Variants in PTP4A1 observed in about 807,000 individuals in gnomAD.
PTP4A1 encodes the protein protein tyrosine phosphatase type IVA 1.
A neutral mutation model predicts 20.5 loss-of-function variants in PTP4A1; 9 were observed. The ratio of observed to expected loss-of-function variants is 0.44; its 90% CI spans 0.26 to 0.77. The LOEUF (loss-of-function observed/expected upper bound fraction) is 0.77. PTP4A1 is among the 30% of genes least tolerant of loss of function. PTP4A1 has a pLI of 0.19. For missense variants in PTP4A1, 137 were observed against 218.8 expected (o/e 0.63, Z 2.36); for synonymous variants, 78 against 67.4 (o/e 1.16, Z -0.77).
chr6:63,553,999 C>G (rs915374611), intron 3 of PTP4A1, among the ~76,000 whole-genome samples: 2 of 152,126 alleles, frequency 1.3e-5, no homozygotes, highest in African/African-American at 4.8e-5. Flanking sequence ...CTGAAAATTT[C>G]CAATTACCAG....
chr6:63,540,379 G>C (rs1229555768), intron 2 of PTP4A1, among the ~76,000 whole-genome samples: 1 of 152,096 alleles, frequency 6.6e-6, no homozygotes, highest in Admixed American at 6.6e-5. Context: ...CCAGCACTTT[G>C]GGAGGCTGAG....
intron 3 of PTP4A1, among the ~76,000 whole-genome samples, chr6:63,553,050 C>G (rs2149491221): frequency 6.6e-6 from 1 of 152,158 alleles, no homozygotes; most frequent in East Asian, 1.9e-4. Flanking sequence ...ACAGATGTAC[C>G]AGCACTGTAT....
intron 3 of PTP4A1, among the ~76,000 whole-genome samples, chr6:63,559,130 G>A (rs1007111810): frequency 1.3e-5 from 2 of 152,078 alleles, no homozygotes; most frequent in Admixed American, 6.5e-5. Flanking sequence ...GTCCATTAGC[G>A]GGAAATCAAC....
In PTP4A1 at chr6:63,579,311, T is replaced by C; in HGVS notation, c.384T>C (p.Asp128=). 1 of 1,608,362 alleles carries C rather than the reference T, an allele frequency of 6.2e-7. No individual in the cohort carries two copies. The highest frequency in any genetic ancestry group is 8.5e-7 in the Non-Finnish European group (1 of 1,176,488). The change falls in exon 5 of 6, where the codon GAT becomes GAC. Residue 128 remains aspartate (D), a synonymous_variant. Transcript: ENST00000626021. ...TTGAAGGTGGAATGAAATACGAAGA[T>C]GCAGTACAATTCATAAGACAGTAAG... ...ALIEGGMKYE[D]AVQFIRQKRR...
At chr6:63,574,840 T>G (rs1225705372) in intron 1 of PTP4A1, among the ~76,000 whole-genome samples, 1 of 152,228 alleles carries the variant, frequency 6.6e-6, no homozygotes, top group East Asian at 1.9e-4. Flanking sequence ...GAAATTATTT[T>G]CAGATTACTA....
At chr6:63,530,141 T>C (rs185815465) in intron 2 of PTP4A1, among the ~76,000 whole-genome samples, 1 of 152,154 alleles carries the variant, frequency 6.6e-6, no homozygotes, top group African/African-American at 2.4e-5. Flanking sequence ...CAGAAGGAAG[T>C]CAAATTGGAA....
chr6:63,554,553 T>C (rs1207031823), intron 3 of PTP4A1, among the ~76,000 whole-genome samples: 2 of 152,152 alleles, frequency 1.3e-5, no homozygotes, highest in Non-Finnish European at 2.9e-5. Context: ...ATCCCAGCAC[T>C]TTGGGAGGCC....
At chr6:63,561,340 T>G (rs1244523109) in intron 3 of PTP4A1, among the ~76,000 whole-genome samples, 1 of 152,156 alleles carries the variant, frequency 6.6e-6, no homozygotes, top group Non-Finnish European at 1.5e-5. Flanking sequence ...ACCCAACACA[T>G]AGTAAGCACT....
At chr6:63,531,279 G>A (rs547388777) in intron 2 of PTP4A1, among the ~76,000 whole-genome samples, 12 of 152,094 alleles carry the variant, frequency 7.9e-5, no homozygotes, top group Admixed American at 2.0e-4. Flanking sequence ...TTAATTAGTG[G>A]GGAATAGATG....
chr6:63,574,071 C>T (rs867158874), intron 1 of PTP4A1, among the ~76,000 whole-genome samples: 1 of 152,152 alleles, frequency 6.6e-6, no homozygotes, highest in Non-Finnish European at 1.5e-5. Flanking sequence ...AACTGTTGAC[C>T]TGCCCGACAT....
Position 63,578,542 on chromosome 6 carries a change from C to A in PTP4A1, c.198+13C>A. ...TATCCATGTTCTTGTAAGTATTTAA[C>A]AGTTCTTATGGGTTTATGGTGCTGT... On this transcript the variant is annotated intron_variant, in intron 3 of 5. Coordinates refer to ENST00000626021, the MANE Select transcript of PTP4A1 (RefSeq NM_003463.5). The A allele has an allele frequency of 4.4e-6, 7 of 1,608,560 alleles. No homozygotes were observed. The highest frequency in any genetic ancestry group is 5.9e-6 in the Non-Finnish European group (7 of 1,178,354).
At chr6:63,575,793 G>A (rs1042381491) in intron 1 of PTP4A1, among the ~76,000 whole-genome samples, 9 of 151,730 alleles carry the variant, frequency 5.9e-5, no homozygotes, top group African/African-American at 9.7e-5. Flanking sequence ...CATTTTCCTC[G>A]TCTTCAGTTT....
chr6:63,566,389 A>G (rs1447552277), intron 3 of PTP4A1, among the ~76,000 whole-genome samples: 1 of 152,102 alleles, frequency 6.6e-6, no homozygotes, highest in Non-Finnish European at 1.5e-5. Context: ...AATTCGGCTC[A>G]GGGTCGGGGT....
chr6:63,576,254 A>G (rs1445667243), intron 1 of PTP4A1, among the ~76,000 whole-genome samples, 182 bp from the exon 2 acceptor site: 1 of 151,830 alleles, frequency 6.6e-6, no homozygotes, highest in African/African-American at 2.4e-5. Flanking sequence ...TGCTTGTTTT[A>G]TGCTGATTGA....
At position 63,572,879 on chromosome 6, in the gene PTP4A1, G is replaced by A. The variant is rs369092671; in HGVS notation, c.-446+160G>A. Reference sequence around the variant, plus strand: ...GGAGCGGGCGGGTTATGGCCCTGTGGCCGGCCGATTGCGGCCGGCTGTGCG... The same window carrying A: ...GGAGCGGGCGGGTTATGGCCCTGTGACCGGCCGATTGCGGCCGGCTGTGCG... On this transcript the variant is annotated intron_variant, in intron 1 of 5. Coordinates refer to ENST00000626021, the MANE Select transcript of PTP4A1 (RefSeq NM_003463.5). Among the ~76,000 whole-genome samples, 19 of 152,212 alleles carry A rather than the reference G, an allele frequency of 1.2e-4. 1 individual carries two copies. In the East Asian group the frequency reaches 2.3e-3, roughly 19 times the overall value.
chr6:63,540,633 AAAAAG>A (rs1775922167), intron 2 of PTP4A1, among the ~76,000 whole-genome samples: 1 of 151,952 alleles, frequency 6.6e-6, no homozygotes, highest in African/African-American at 2.4e-5. Context: ...TCACAAATGA[AAAAAG>A]AAAAGAAAAA....
At chr6:63,566,739 A>G (rs1777206847) in intron 3 of PTP4A1, among the ~76,000 whole-genome samples, 1 of 152,070 alleles carries the variant, frequency 6.6e-6, no homozygotes, top group Non-Finnish European at 1.5e-5. Context: ...AAGACAATGG[A>G]GTTTGCTGCA....
intron 2 of PTP4A1, among the ~76,000 whole-genome samples, chr6:63,544,524 T>A (rs895727238): frequency 6.6e-6 from 1 of 152,176 alleles, no homozygotes; most frequent in Non-Finnish European, 1.5e-5. Context: ...CTAGAATTTA[T>A]CTAGTTGTCG....
chr6:63,526,300 G>T (rs796944275), intron 1 of PTP4A1, among the ~76,000 whole-genome samples: 32 of 152,080 alleles, frequency 2.1e-4, no homozygotes, highest in African/African-American at 7.5e-4. Flanking sequence ...ACTCCAGCCT[G>T]GGTAACAGAG....
Sources: allele counts gnomAD v4.1 joint callset (sites outside exome capture counted in the v4.1 genomes callset), GRCh38; gene constraint gnomAD v4.1.1; transcripts MANE v1.5; gene names NCBI Gene and HGNC (gene_info 2026-07-23, HGNC 2026-07-21).